TRPC3: variants seen among roughly 807,000 people sequenced by gnomAD.
TRPC3 encodes the protein short transient receptor potential channel 3.
TRPC3 carries 54 observed loss-of-function variants against 90.9 expected under a neutral mutation model. That is an observed-to-expected ratio of 0.59 (90% CI 0.48 to 0.75). TRPC3 has a LOEUF of 0.75. Among genes scored for constraint, TRPC3 ranks in the 30% least tolerant of loss-of-function variants. The pLI is 0.00. For synonymous variants in TRPC3, 424 were observed against 450.9 expected (o/e 0.94, Z 0.75); for missense variants, 918 against 1,194.5 (o/e 0.77, Z 3.41).
intron 5 of TRPC3, 108 bp downstream of exon 5, chr4:121,911,769 T>C: frequency 9.1e-7 from 1 of 1,103,250 alleles, no homozygotes. Flanking sequence ...GCAACAGTGA[T>C]GTTGTCACCA....
intron 2 of TRPC3, among the ~76,000 whole-genome samples, chr4:121,925,752 T>C (rs1400162347): frequency 6.6e-6 from 1 of 152,232 alleles, no homozygotes; most frequent in East Asian, 1.9e-4. Flanking sequence ...GATTTAATCA[T>C]TTCACATTGT....
At chr4:121,934,785 CACAGAAG>C (rs1218816155) in intron 1 of TRPC3, among the ~76,000 whole-genome samples, 1 of 152,066 alleles carries the variant, frequency 6.6e-6, no homozygotes, top group African/African-American at 2.4e-5. Flanking sequence ...GAGAGAGGAG[CACAGAAG>C]CCACTGGCTT....
At position 121,907,740 on chromosome 4, in the gene TRPC3, G is replaced by A. The variant is rs568807538; in HGVS notation, c.1793-173C>T. 1.9e-4 allele frequency among the ~76,000 whole-genome samples: 29 copies of A among 152,132 alleles called. No individual in the cohort carries two copies. In the East Asian group the frequency reaches 1.9e-3, roughly 10 times the overall value. On this transcript the variant is annotated intron_variant, in intron 6 of 11. Transcript: ENST00000379645. ...ACTATTTTCATCTTAAACCAGAAAC[G>A]TAAATTCTATATTACTTTAGATGGA...
chr4:121,885,081 G>T (rs1354239107), intron 10 of TRPC3, among the ~76,000 whole-genome samples: 1 of 152,198 alleles, frequency 6.6e-6, no homozygotes, highest in African/African-American at 2.4e-5. Flanking sequence ...AAAAAGTAGT[G>T]CTGAGACAAG....
At chr4:121,889,377 G>T (rs1031568208) in intron 10 of TRPC3, among the ~76,000 whole-genome samples, 2 of 151,960 alleles carry the variant, frequency 1.3e-5, no homozygotes, top group African/African-American at 4.8e-5. Flanking sequence ...CAACTCAACA[G>T]CAAAAAACAA....
chr4:121,901,136 AGGT>A (rs1447094946), intron 9 of TRPC3, among the ~76,000 whole-genome samples: 1 of 152,246 alleles, frequency 6.6e-6, no homozygotes, highest in Non-Finnish European at 1.5e-5. Context: ...AGAAAACTCA[AGGT>A]GTGTTCTGTG....
At chr4:121,950,825 G>A (rs1348352080) in intron 1 of TRPC3, 2 of 152,336 alleles carry the variant, frequency 1.3e-5, no homozygotes, top group Non-Finnish European at 2.9e-5. Flanking sequence ...GGACCCTATA[G>A]GGCTTCGGTT....
intron 2 of TRPC3, among the ~76,000 whole-genome samples, chr4:121,930,416 A>G (rs188814543): frequency 6.6e-6 from 1 of 152,204 alleles, no homozygotes. Context: ...CCACCCCTGA[A>G]AGGTTATCAG....
At position 121,877,040 on chromosome 4, in the gene TRPC3, T is replaced by A. The variant is rs1030882017; in HGVS notation, c.*2696A>T. Among the ~76,000 whole-genome samples, 1 of 152,186 alleles carries A rather than the reference T, an allele frequency of 6.6e-6. No homozygotes were observed. The highest frequency in any genetic ancestry group is 1.5e-5 in the Non-Finnish European group (1 of 68,020). ...CCCTTCTCTGAGTTGCCCCAACAACTTCTTTGAGGTTTGTTTTCCCAAAGG... is the reference window on the plus strand; with the variant it reads ...CCCTTCTCTGAGTTGCCCCAACAACATCTTTGAGGTTTGTTTTCCCAAAGG... On this transcript the variant is annotated 3_prime_UTR_variant, in exon 12 of 12. Coordinates refer to ENST00000379645, the MANE Select transcript of TRPC3 (RefSeq NM_001130698.2).
rs1728639796 is a variant in TRPC3 at position 121,899,703 on chromosome 4, A to G, written c.2464-8T>C. On this transcript the variant is annotated splice_polypyrimidine_tract_variant and splice_region_variant and intron_variant, in intron 9 of 11. Transcript: ENST00000379645. ...CTGAGTGAAGAGGTTTAACTAGGAA[A>G]AAATACAATTAACCTAGTAAATTAG... 6.3e-7 allele frequency: 1 copy of G among 1,594,460 alleles called. No homozygotes were observed. Among genetic ancestry groups the G allele is most frequent in the Non-Finnish European group, 8.6e-7 (1 of 1,163,066 alleles).
chr4:121,918,466 A>G (rs1012325891), intron 3 of TRPC3, among the ~76,000 whole-genome samples: 1 of 152,232 alleles, frequency 6.6e-6, no homozygotes, highest in Non-Finnish European at 1.5e-5. Flanking sequence ...CATTAATTAC[A>G]TATTTATAAA....
Position 121,877,635 on chromosome 4 carries a change from CCT to C in TRPC3, c.*2099_*2100del, listed in dbSNP as rs917941197. Among the ~76,000 whole-genome samples, 1 of 152,076 alleles carries C rather than the reference CCT, an allele frequency of 6.6e-6. No homozygotes were observed. The highest frequency in any genetic ancestry group is 1.5e-5 in the Non-Finnish European group (1 of 68,016). Reference sequence around the variant, plus strand: ...AAAAACATCAACCACACTCACTACACCTTGTCATCACACCTTCTTCTGAAACA... The same window carrying C: ...AAAAACATCAACCACACTCACTACACTGTCATCACACCTTCTTCTGAAACA... On this transcript the variant is annotated 3_prime_UTR_variant, in exon 12 of 12. Transcript: ENST00000379645.
At chr4:121,896,429 A>G (rs1233025910) in intron 10 of TRPC3, among the ~76,000 whole-genome samples, 2 of 152,206 alleles carry the variant, frequency 1.3e-5, no homozygotes, top group Non-Finnish European at 2.9e-5. Flanking sequence ...GACTCTACCA[A>G]AAAACTTTTA....
chr4:121,918,901 G>A (rs372542089), intron 3 of TRPC3, among the ~76,000 whole-genome samples: 15 of 152,264 alleles, frequency 9.9e-5, no homozygotes, highest in African/African-American at 3.6e-4. Context: ...CTTCGAAATA[G>A]GGCAGTGACC....
intron 1 of TRPC3, among the ~76,000 whole-genome samples, chr4:121,949,420 AT>A (rs982713433): frequency 5.3e-5 from 8 of 152,138 alleles, no homozygotes; most frequent in African/African-American, 1.9e-4. Flanking sequence ...ATCCTGCTCA[AT>A]TTTAAATTCA....
intron 10 of TRPC3, among the ~76,000 whole-genome samples, chr4:121,896,896 T>C (rs1728533170): frequency 6.6e-6 from 1 of 152,028 alleles, no homozygotes; most frequent in South Asian, 2.1e-4. Context: ...TAAAATATAT[T>C]ACCAGGCTGT....
At chr4:121,921,914 T>C (rs1039715583) in intron 3 of TRPC3, among the ~76,000 whole-genome samples, 2 of 118,710 alleles carry the variant, frequency 1.7e-5, no homozygotes, top group Non-Finnish European at 3.9e-5. Context: ...TTTGGGTTTT[T>C]TTTTGTTTTT....
chr4:121,917,908 A>T (rs181012356), intron 3 of TRPC3, among the ~76,000 whole-genome samples: 5 of 152,338 alleles, frequency 3.3e-5, no homozygotes, highest in Admixed American at 2.6e-4. Context: ...CAAAATTCCC[A>T]TGAAGTTAAG....
intron 3 of TRPC3, among the ~76,000 whole-genome samples, chr4:121,916,308 C>A (rs918125127): frequency 2.0e-5 from 3 of 152,182 alleles, no homozygotes; most frequent in African/African-American, 7.2e-5. Context: ...CAAATCCCTG[C>A]CTTTGCCCCC....
Sources: allele counts gnomAD v4.1 joint callset (sites outside exome capture counted in the v4.1 genomes callset), GRCh38; gene constraint gnomAD v4.1.1; transcripts MANE v1.5; gene names NCBI Gene and HGNC (gene_info 2026-07-23, HGNC 2026-07-21).